Variants in COL8A1 observed in about 807,000 individuals in gnomAD.
COL8A1 encodes the protein collagen alpha-1(VIII) chain.
A neutral mutation model predicts 42.7 loss-of-function variants in COL8A1; 21 were observed. That is an observed-to-expected ratio of 0.49 (90% CI 0.35 to 0.71). The LOEUF is 0.71. Among genes scored for constraint, COL8A1 ranks in the 30% least tolerant of loss-of-function variants. The pLI, the probability that COL8A1 is intolerant of heterozygous loss-of-function variation, is 0.01. For missense variants in COL8A1, 788 were observed against 962.4 expected (o/e 0.82, Z 2.40); for synonymous variants, 367 against 369.1 (o/e 0.99, Z 0.06).
Position 99,795,825 on chromosome 3 carries a change from G to T in COL8A1, c.1924G>T (p.Gly642Cys). 1.2e-6 allele frequency: 2 copies of T among 1,614,158 alleles called. No homozygotes were observed. Among genetic ancestry groups the T allele is most frequent in the Non-Finnish European group, 1.7e-6 (2 of 1,180,030 alleles). ...GAAGTTTAACAAACTGCTGTATAAC[G>T]GCAGACAGAACTACAACCCGCAGAC... ...PVKFNKLLYN[G>C]RQNYNPQTGI... The change falls in exon 4 of 4, where the codon GGC becomes TGC. Residue 642 changes from glycine (G) to cysteine (C), a missense_variant. By Grantham distance (159) the Gly-to-Cys change is radical. This residue lies in a region of COL8A1 where 212 missense variants were observed against 210.9 expected (regional missense o/e 1.00). Transcript: ENST00000652472.
At chr3:99,769,726 C>A (rs1941540567) in intron 2 of COL8A1, among the ~76,000 whole-genome samples, 1 of 152,138 alleles carries the variant, frequency 6.6e-6, no homozygotes, top group Non-Finnish European at 1.5e-5. Context: ...TGAGACCAGC[C>A]TGGCCAACAT....
intron 1 of COL8A1, among the ~76,000 whole-genome samples, chr3:99,654,368 A>G (rs775672989): frequency 1.1e-4 from 16 of 152,184 alleles, no homozygotes; most frequent in Non-Finnish European, 1.9e-4. Context: ...GTTGACACTC[A>G]ATATTAACTA....
At chr3:99,716,499 C>T (rs2107363642) in intron 1 of COL8A1, among the ~76,000 whole-genome samples, 1 of 152,086 alleles carries the variant, frequency 6.6e-6, no homozygotes, top group Middle Eastern at 3.4e-3. Flanking sequence ...TTTTTATATG[C>T]ATGTTCTAAA....
intron 2 of COL8A1, among the ~76,000 whole-genome samples, chr3:99,756,628 T>G (rs1941259016): frequency 6.6e-6 from 1 of 152,208 alleles, no homozygotes; most frequent in African/African-American, 2.4e-5. Flanking sequence ...AATGTTACAG[T>G]AGAAATGGGA....
chr3:99,704,748 C>T (rs925966316), intron 1 of COL8A1, among the ~76,000 whole-genome samples: 1 of 152,118 alleles, frequency 6.6e-6, no homozygotes, highest in African/African-American at 2.4e-5. Context: ...CAATCTGAGT[C>T]TTATAAAGTG....
chr3:99,733,148 TTTA>T (rs58813040), intron 1 of COL8A1, among the ~76,000 whole-genome samples: 13,501 of 149,596 alleles, frequency 0.09, 774 homozygotes, highest in East Asian at 0.17. Context: ...CTTTCTTTTT[TTTA>T]TTATTATTAT....
rs9847930 is a variant in COL8A1, at chr3:99,683,122, G to A, written c.-129+44458G>A. Among the ~76,000 whole-genome samples the A allele has an allele frequency of 5.5e-3, 836 of 152,256 alleles. 10 individuals carry two copies. Among genetic ancestry groups the A allele is most frequent in the African/African-American group, 0.019 (792 of 41,554 alleles). On this transcript the variant is annotated intron_variant, in intron 1 of 3. Transcript: ENST00000652472. ...TTTTTAAAAAGAAGTGTCTTAAGTG[G>A]TTTGGAGTTGTAGAATTCTCATAGA...
chr3:99,762,460 T>C (rs1307265356), intron 2 of COL8A1, among the ~76,000 whole-genome samples: 1 of 152,006 alleles, frequency 6.6e-6, no homozygotes, highest in Admixed American at 6.6e-5. Flanking sequence ...AGCTGGGAGG[T>C]AAAGTTCAAA....
At chr3:99,739,612 C>A (rs1940840604) in intron 1 of COL8A1, among the ~76,000 whole-genome samples, 1 of 152,196 alleles carries the variant, frequency 6.6e-6, no homozygotes, top group Non-Finnish European at 1.5e-5. Context: ...GGGGTTTGCA[C>A]CCTCTGAAGC....
At chr3:99,782,673 T>G (rs1343049647) in intron 2 of COL8A1, among the ~76,000 whole-genome samples, 1 of 152,188 alleles carries the variant, frequency 6.6e-6, no homozygotes, top group African/African-American at 2.4e-5. Flanking sequence ...ATTACCAGCG[T>G]GAGCCACCGC....
chr3:99,752,912 G>A (rs999589329), intron 2 of COL8A1, among the ~76,000 whole-genome samples: 2 of 152,158 alleles, frequency 1.3e-5, no homozygotes, highest in Admixed American at 1.3e-4. Context: ...TATGAGGAAA[G>A]CTGGGACATG....
At chr3:99,706,018 A>G (rs529787480) in intron 1 of COL8A1, among the ~76,000 whole-genome samples, 149 of 152,336 alleles carry the variant, frequency 9.8e-4, no homozygotes, top group African/African-American at 3.2e-3. Context: ...TCCAAGTCGT[A>G]TGGTCCTTAA....
At chr3:99,744,609 T>A (rs992632313) in intron 1 of COL8A1, among the ~76,000 whole-genome samples, 6 of 152,250 alleles carry the variant, frequency 3.9e-5, no homozygotes, top group Non-Finnish European at 8.8e-5. Flanking sequence ...TAAATTTGCA[T>A]TATCTATGGC....
At chr3:99,701,286 T>C (rs1051341426) in intron 1 of COL8A1, among the ~76,000 whole-genome samples, 10 of 152,226 alleles carry the variant, frequency 6.6e-5, no homozygotes, top group African/African-American at 2.2e-4. Flanking sequence ...CCTTTCTGCT[T>C]GCAAATTTCA....
intron 1 of COL8A1, among the ~76,000 whole-genome samples, chr3:99,662,650 C>A (rs1188075885): frequency 3.3e-5 from 5 of 152,134 alleles, no homozygotes; most frequent in Non-Finnish European, 7.3e-5. Flanking sequence ...GGGTGACTTG[C>A]AACAGTTCTG....
chr3:99,795,366 G>A lies in COL8A1; in HGVS notation c.1465G>A (p.Gly489Arg). The change falls in exon 4 of 4, where the codon GGG becomes AGG. Residue 489 changes from glycine (G) to arginine (R), a missense_variant. Coordinates refer to ENST00000652472, the MANE Select transcript of COL8A1 (RefSeq NM_020351.4). Reference sequence around the variant, plus strand: ...ACCTAAGGGAGAGCCAGGAATCCCAGGGGATCAGGGTTTACAGGGCCCCCC... The same window carrying A: ...ACCTAAGGGAGAGCCAGGAATCCCAAGGGATCAGGGTTTACAGGGCCCCCC... The part of the protein sequence containing the change: ...LGPKGEPGIP[G>R]DQGLQGPPGI... The A allele has an allele frequency of 6.3e-7, 1 of 1,580,638 alleles. No individual in the cohort carries two copies. The highest frequency in any genetic ancestry group is 8.6e-7 in the Non-Finnish European group (1 of 1,162,714).
intron 1 of COL8A1, chr3:99,678,952 G>T (rs1938783641): frequency 6.6e-6 from 1 of 151,992 alleles, no homozygotes. Context: ...ATATATTGAG[G>T]GATGAAAAGC....
intron 3 of COL8A1, among the ~76,000 whole-genome samples, chr3:99,791,393 C>G (rs1481958828): frequency 3.9e-5 from 6 of 152,140 alleles, no homozygotes; most frequent in African/African-American, 1.4e-4. Flanking sequence ...ACAAGTCAGT[C>G]TTCTGAACTA....
chr3:99,740,707 A>G (rs540961276), intron 1 of COL8A1, among the ~76,000 whole-genome samples: 4 of 152,318 alleles, frequency 2.6e-5, no homozygotes, highest in Admixed American at 6.5e-5. Context: ...CAGCCAAACC[A>G]TATCACCAGG....
Sources: gnomAD v4.1 joint callset for allele counts (sites outside exome capture counted in the v4.1 genomes callset) on GRCh38, gnomAD v4.1.1 for gene constraint, gnomAD v4.1.1 regional missense constraint, MANE v1.5 for transcripts, NCBI Gene and HGNC (gene_info 2026-07-23, HGNC 2026-07-21) for gene names.